NEDD4L: variants seen among roughly 807,000 people sequenced by gnomAD.
NEDD4L encodes NEDD4 like E3 ubiquitin protein ligase, also known as E3 ubiquitin-protein ligase NEDD4-like.
NEDD4L carries 54 observed loss-of-function variants against 148.9 expected under a neutral mutation model. The ratio of observed to expected loss-of-function variants is 0.36; its 90% confidence interval spans 0.29 to 0.45. The LOEUF is 0.45. NEDD4L is among the 20% of genes least tolerant of loss of function. The probability of loss-of-function intolerance (pLI) is 1.00; values close to 1 mark genes in which losing one functional copy is unlikely to be tolerated. For missense variants in NEDD4L, 856 were observed against 1,233.8 expected (o/e 0.69, Z 4.59); for synonymous variants, 433 against 440.7 (o/e 0.98, Z 0.22).
At chr18:58,365,849 C>T in intron 20 of NEDD4L, 150 bp from the exon 21 acceptor site, 2 of 598,030 alleles carry the variant, frequency 3.3e-6, no homozygotes, top group Non-Finnish European at 5.8e-6. Flanking sequence ...AAGGGAAAAC[C>T]CCTAAAGGAG....
At chr18:58,394,175 C>T (rs1407334406) in intron 30 of NEDD4L, among the ~76,000 whole-genome samples, 1 of 152,242 alleles carries the variant, frequency 6.6e-6, no homozygotes, top group Non-Finnish European at 1.5e-5. Context: ...TCACCAAGCA[C>T]TCTGTTCATT....
In NEDD4L at chr18:58,071,412, A is replaced by G. The variant is rs115052791; in HGVS notation, c.48+26704A>G. 4.0e-3 allele frequency among the ~76,000 whole-genome samples: 610 copies of G among 152,372 alleles called. 5 individuals carry two copies. The highest frequency in any genetic ancestry group is 0.014 in the African/African-American group (582 of 41,596). On this transcript the variant is annotated intron_variant, in intron 1 of 30. Coordinates refer to ENST00000400345, the MANE Select transcript of NEDD4L (RefSeq NM_001144967.3). Reference sequence around the variant, plus strand: ...TAGAAATTCTGGAGTCATAAACTCTAGTAACTGAAATGAAGAATTCACTGG... The same window carrying G: ...TAGAAATTCTGGAGTCATAAACTCTGGTAACTGAAATGAAGAATTCACTGG...
Position 58,367,795 on chromosome 18 carries a change from G to A in NEDD4L, c.2113G>A (p.Asp705Asn), listed in dbSNP as rs2046318011. 6.2e-7 allele frequency: 1 copy of A among 1,613,712 alleles called. No individual in the cohort carries two copies. The highest frequency in any genetic ancestry group is 1.7e-5 in the Admixed American group (1 of 60,008). ...INPNSGLCNEDHLSYFTFIGR... is the reference protein window; with the variant it reads ...INPNSGLCNENHLSYFTFIGR... ...CCCTAATTCAGGCCTCTGTAATGAG[G>A]ATCATTTGTCCTACTTCACTTTTAT... The change falls in exon 22 of 31, where the codon GAT becomes AAT. Residue 705 changes from aspartate (D) to asparagine (N), a missense_variant. Physicochemically the swap from Asp to Asn is conservative, Grantham distance 23. Transcript: ENST00000400345.
chr18:58,370,867 C>T (rs1352348893), intron 23 of NEDD4L, among the ~76,000 whole-genome samples: 3 of 152,144 alleles, frequency 2.0e-5, no homozygotes, highest in Non-Finnish European at 4.4e-5. Context: ...AGGCAAAGGT[C>T]AAAACAATAG....
intron 6 of NEDD4L, among the ~76,000 whole-genome samples, chr18:58,318,976 G>T (rs913579522): frequency 1.3e-5 from 2 of 152,228 alleles, no homozygotes; most frequent in Admixed American, 6.5e-5. Context: ...AATTTTCCTA[G>T]ATGAGGCATT....
At chr18:58,186,800 T>C (rs2039532901) in intron 2 of NEDD4L, among the ~76,000 whole-genome samples, 1 of 152,236 alleles carries the variant, frequency 6.6e-6, no homozygotes, top group Non-Finnish European at 1.5e-5. Flanking sequence ...TCACCTGGTA[T>C]GCTGAGGCCC....
chr18:58,141,916 C>T (rs2033554040), intron 1 of NEDD4L, among the ~76,000 whole-genome samples: 1 of 152,084 alleles, frequency 6.6e-6, no homozygotes, highest in Non-Finnish European at 1.5e-5. Context: ...GAAAACAACG[C>T]TGTTTTGTGA....
chr18:58,300,761 G>A (rs1329485082), intron 5 of NEDD4L, among the ~76,000 whole-genome samples: 1 of 152,224 alleles, frequency 6.6e-6, no homozygotes. Flanking sequence ...GTTCCAGGAT[G>A]AATGAGTCTG....
rs1051816673 is a variant in NEDD4L, at chr18:58,284,647, G to A, written c.298-31335G>A. ...GGGCAAGCTGATTTTATATAATCTT[G>A]TTCTTTTCAGTAAATTTTGTATATC... is the stretch of plus-strand genomic sequence containing the variant. On this transcript the variant is annotated intron_variant, in intron 5 of 30. Transcript: ENST00000400345. 2.5e-4 allele frequency among the ~76,000 whole-genome samples: 38 copies of A among 152,090 alleles called. 1 individual carries two copies. Among genetic ancestry groups the A allele is most frequent in the Non-Finnish European group, 5.4e-4 (37 of 68,002 alleles).
At chr18:58,117,506 C>T (rs2085925681) in intron 1 of NEDD4L, among the ~76,000 whole-genome samples, 1 of 152,118 alleles carries the variant, frequency 6.6e-6, no homozygotes, top group Non-Finnish European at 1.5e-5. Context: ...GCTAATGAGA[C>T]CAGAGGTCTG....
intron 17 of NEDD4L, among the ~76,000 whole-genome samples, chr18:58,350,258 C>G (rs192764402): frequency 2.0e-4 from 30 of 152,196 alleles, no homozygotes; most frequent in African/African-American, 7.2e-4. Flanking sequence ...AGTGTAAGAA[C>G]CTTTTTGTTG....
intron 5 of NEDD4L, among the ~76,000 whole-genome samples, chr18:58,257,162 T>C (rs2048705224): frequency 6.6e-6 from 1 of 152,148 alleles, no homozygotes; most frequent in African/African-American, 2.4e-5. Context: ...CTTGCAAGTA[T>C]AGCCTGTGAC....
At chr18:58,196,566 G>C (rs76345282) in intron 2 of NEDD4L, among the ~76,000 whole-genome samples, 1,907 of 152,076 alleles carry the variant, frequency 0.013, 38 homozygotes, top group African/African-American at 0.043. Context: ...AATAAAACTG[G>C]CACTTATGTT....
rs757902787 is a variant in NEDD4L, at chr18:58,315,849, C to T, written c.298-133C>T. On this transcript the variant is annotated intron_variant, in intron 5 of 30. Coordinates refer to ENST00000400345, the MANE Select transcript of NEDD4L (RefSeq NM_001144967.3). ...CGGGGTGTGGTTACTCGTGTCTCCTCGGGGCCTTCCGCCCTCCACATTCCA... is the reference window on the plus strand; with the variant it reads ...CGGGGTGTGGTTACTCGTGTCTCCTTGGGGCCTTCCGCCCTCCACATTCCA... 2.5e-4 allele frequency: 201 copies of T among 812,822 alleles called. 1 individual carries two copies. Among genetic ancestry groups the T allele is most frequent in the Admixed American group, 2.3e-3 (132 of 57,766 alleles). 50.4% of individuals were successfully genotyped at this position (812,822 alleles called of 1,614,324 possible). A position where few individuals can be genotyped will look rare whatever the true frequency, so the allele number is the denominator to read the frequency against.
chr18:58,391,436 C>A, intron 29 of NEDD4L, 51 bp from the exon 30 acceptor site: 1 of 1,441,022 alleles, frequency 6.9e-7, no homozygotes, highest in Non-Finnish European at 9.6e-7. Context: ...ACCATAGCTT[C>A]ATTCTTCTGC....
intron 2 of NEDD4L, among the ~76,000 whole-genome samples, chr18:58,209,004 TTTTG>T (rs538521945): frequency 1.6e-3 from 250 of 152,184 alleles, no homozygotes; most frequent in Non-Finnish European, 2.7e-3. Flanking sequence ...GTGGGAATTT[TTTTG>T]TTTGTTGGTT....
At chr18:58,150,115 A>G (rs2034532376) in intron 1 of NEDD4L, among the ~76,000 whole-genome samples, 1 of 152,254 alleles carries the variant, frequency 6.6e-6, no homozygotes, top group African/African-American at 2.4e-5. Context: ...AATGTAATTA[A>G]CCAAATAAAA....
intron 2 of NEDD4L, among the ~76,000 whole-genome samples, chr18:58,238,124 G>T (rs574889205): frequency 3.0e-4 from 46 of 152,262 alleles, no homozygotes; most frequent in Admixed American, 6.5e-4. Context: ...TCTTATTTTT[G>T]CTGGAAAATT....
At chr18:58,321,087 A>G (rs2058730634) in intron 6 of NEDD4L, among the ~76,000 whole-genome samples, 1 of 152,340 alleles carries the variant, frequency 6.6e-6, no homozygotes, top group East Asian at 1.9e-4. Context: ...GTGCCAGGCA[A>G]TGTTCTTGGC....
Sources: gnomAD v4.1 joint callset for allele counts (sites outside exome capture counted in the v4.1 genomes callset) on GRCh38, gnomAD v4.1.1 for gene constraint, MANE v1.5 for transcripts, NCBI Gene and HGNC (gene_info 2026-07-23, HGNC 2026-07-21) for gene names.